RBBP8: variants seen among roughly 807,000 people sequenced by gnomAD.
RBBP8 encodes RB binding protein 8, endonuclease, also known as DNA endonuclease RBBP8.
Under a neutral mutation model 108.3 loss-of-function variants are expected in RBBP8, and 88 were observed. The observed-to-expected ratio is 0.81, with a 90% CI of 0.68 to 0.97. The LOEUF is 0.97. Among genes scored for constraint, RBBP8 ranks in the 50% least tolerant of loss-of-function variants. The pLI is 0.00. For missense variants in RBBP8, 1,023 were observed against 1,049.0 expected (o/e 0.98, Z 0.34); for synonymous variants, 332 against 348.2 (o/e 0.95, Z 0.52).
At chr18:23,024,459 A>T (rs1290451807) in intron 18 of RBBP8, 1 of 152,234 alleles carries the variant, frequency 6.6e-6, no homozygotes, top group African/African-American at 2.4e-5. Flanking sequence ...TCAGAAAAAA[A>T]GCCATAAGAG....
chr18:22,942,896 A>C (rs1422358270), intron 2 of RBBP8, among the ~76,000 whole-genome samples: 2 of 152,074 alleles, frequency 1.3e-5, no homozygotes, highest in Non-Finnish European at 2.9e-5. Flanking sequence ...TGCTATTAAC[A>C]TCTAGCTAAT....
chr18:23,007,101 A>G (rs796364588), intron 16 of RBBP8, among the ~76,000 whole-genome samples: 49 of 150,352 alleles, frequency 3.3e-4, no homozygotes, highest in African/African-American at 1.0e-3. Context: ...GCTCACTGCA[A>G]CCTCTGTCTC....
intron 3 of RBBP8, among the ~76,000 whole-genome samples, chr18:22,926,424 AAAAT>A (rs1209330038): frequency 4.6e-5 from 7 of 152,334 alleles, no homozygotes; most frequent in African/African-American, 1.2e-4. Context: ...ACTCTGTATC[AAAAT>A]AAATAAATAA....
chr18:23,007,138 C>T (rs367982071), intron 16 of RBBP8, among the ~76,000 whole-genome samples: 5 of 151,040 alleles, frequency 3.3e-5, no homozygotes, highest in South Asian at 2.1e-4. Flanking sequence ...CTCCTGCCCC[C>T]GCCTCCCGAG....
chr18:22,951,271 T>C (rs991479669), intron 4 of RBBP8, among the ~76,000 whole-genome samples: 2 of 152,212 alleles, frequency 1.3e-5, no homozygotes, highest in African/African-American at 2.4e-5. Context: ...CAAGTAACAA[T>C]ACATAACAGA....
chr18:22,970,697 TG>T (rs1194248493), intron 5 of RBBP8, among the ~76,000 whole-genome samples: 1 of 152,216 alleles, frequency 6.6e-6, no homozygotes, highest in African/African-American at 2.4e-5. Context: ...ATTTATTCTT[TG>T]CCCAGTCTTA....
intron 16 of RBBP8, among the ~76,000 whole-genome samples, chr18:23,012,150 G>C (rs908538820): frequency 2.9e-5 from 4 of 137,904 alleles, no homozygotes; most frequent in East Asian, 4.5e-4. Flanking sequence ...GTCGAGACTA[G>C]TGAGCTGTGA....
At chr18:22,919,002 A>C (rs1245623803) in intron 3 of RBBP8, among the ~76,000 whole-genome samples, 3 of 152,208 alleles carry the variant, frequency 2.0e-5, no homozygotes, top group Non-Finnish European at 4.4e-5. Context: ...CTAATATTAA[A>C]TTATATTGCA....
At chr18:23,010,570 C>G (rs1303416558) in intron 16 of RBBP8, among the ~76,000 whole-genome samples, 1 of 151,974 alleles carries the variant, frequency 6.6e-6, no homozygotes, top group African/African-American at 2.4e-5. Flanking sequence ...GCACTCCAGC[C>G]TGGGCCAACA....
At chr18:22,923,574 A>G (rs912788512) in intron 3 of RBBP8, among the ~76,000 whole-genome samples, 3 of 152,212 alleles carry the variant, frequency 2.0e-5, no homozygotes, top group Non-Finnish European at 2.9e-5. Context: ...AGTGAGGGAA[A>G]TAAGACTTGT....
chr18:22,989,525 T>C (rs931043129), intron 9 of RBBP8, among the ~76,000 whole-genome samples: 5 of 152,184 alleles, frequency 3.3e-5, no homozygotes, highest in Admixed American at 2.6e-4. Context: ...GGATATGGGT[T>C]GAGTCAAAAT....
chr18:22,999,386 C>T (rs1437423679), intron 14 of RBBP8, among the ~76,000 whole-genome samples: 2 of 152,180 alleles, frequency 1.3e-5, no homozygotes, highest in African/African-American at 2.4e-5. Flanking sequence ...GGCATCTCCT[C>T]ATTTACTCTC....
chr18:22,962,584 A>T (rs1773232662), intron 4 of RBBP8, among the ~76,000 whole-genome samples: 1 of 150,480 alleles, frequency 6.6e-6, no homozygotes, highest in East Asian at 2.0e-4. Flanking sequence ...ACAGAGTCTC[A>T]CTCACTCTGT....
intron 15 of RBBP8, among the ~76,000 whole-genome samples, chr18:23,004,056 CAAAAAAAAAAAAAAAAA>C (rs34653966): frequency 1.4e-5 from 1 of 69,656 alleles, no homozygotes; most frequent in Middle Eastern, 9.1e-3. Context: ...GACCCCGTCT[CAAAAAAAAAAAAAAAAA>C]AAAAAAAAAA....
chr18:23,016,962 C>A (rs775254626), intron 17 of RBBP8, 38 bp downstream of exon 17: 2 of 1,382,050 alleles, frequency 1.4e-6, no homozygotes, highest in Non-Finnish European at 2.1e-6. Context: ...TTTTTAAGTA[C>A]GGCTTTATAG....
intron 5 of RBBP8, among the ~76,000 whole-genome samples, chr18:22,970,089 C>G (rs1169334831): frequency 6.6e-6 from 1 of 152,212 alleles, no homozygotes; most frequent in East Asian, 1.9e-4. Flanking sequence ...TACTTTAAAT[C>G]ATCTCTAGAT....
At chr18:22,948,135 TACAG>T (rs1567953082) in intron 3 of RBBP8, among the ~76,000 whole-genome samples, 1 of 152,112 alleles carries the variant, frequency 6.6e-6, no homozygotes, top group South Asian at 2.1e-4. Context: ...TATTTTATGA[TACAG>T]ATTATTTAAG....
rs1405610210 is a variant in RBBP8 at position 23,026,447 on chromosome 18, A to G, written c.*207A>G. ...TTTGCACTCTAACTTAAGAGTTTTT[A>G]CTTTATGTAGTGATACCTAATACAA... is the stretch of plus-strand genomic sequence containing the variant. On this transcript the variant is annotated 3_prime_UTR_variant, in exon 19 of 19. Coordinates refer to ENST00000327155, the MANE Select transcript of RBBP8 (RefSeq NM_002894.3). 2 of 519,956 alleles carry G rather than the reference A, an allele frequency of 3.8e-6. No individual in the cohort carries two copies. The highest frequency in any genetic ancestry group is 7.0e-6 in the Non-Finnish European group (2 of 284,662). 32.2% of individuals were successfully genotyped at this position (519,956 alleles called of 1,614,324 possible).
At chr18:22,937,242 G>C (rs1376522442) in intron 2 of RBBP8, 1 of 408,234 alleles carries the variant, frequency 2.4e-6, no homozygotes, top group South Asian at 2.2e-5. Context: ...CCCAGTACCT[G>C]TTGTTCCCCT....
Sources: allele counts gnomAD v4.1 joint callset (sites outside exome capture counted in the v4.1 genomes callset), GRCh38; gene constraint gnomAD v4.1.1; transcripts MANE v1.5; gene names NCBI Gene and HGNC (gene_info 2026-07-23, HGNC 2026-07-21).